The following RASSF6 variants were observed in gnomAD, a reference collection of about 807,000 sequenced individuals.
RASSF6 encodes Ras association domain family member 6.
A neutral mutation model predicts 44.0 loss-of-function variants in RASSF6; 52 were observed. The observed-to-expected ratio is 1.18, with a 90% CI of 0.95 to 1.49. The LOEUF is 1.49. RASSF6 is among the 40% of genes most tolerant of loss of function. RASSF6 has a pLI of 0.00. For missense variants in RASSF6, 464 were observed against 393.3 expected (o/e 1.18, Z -1.52); for synonymous variants, 162 against 124.6 (o/e 1.30, Z -2.00).
At chr4:73,615,667 A>T (rs1431966614) in intron 1 of RASSF6, among the ~76,000 whole-genome samples, 1 of 152,236 alleles carries the variant, frequency 6.6e-6, no homozygotes, top group East Asian at 1.9e-4. Context: ...AGAAACAATG[A>T]AGCTGGAGAA....
chr4:73,593,660 A>G, intron 3 of RASSF6, 67 bp from the exon 4 acceptor site: 1 of 1,505,180 alleles, frequency 6.6e-7, no homozygotes, highest in Non-Finnish European at 9.1e-7. Context: ...TGTTTTAACG[A>G]AGATGTAGAA....
chr4:73,579,060 A>G (rs1723438178), intron 8 of RASSF6, among the ~76,000 whole-genome samples: 1 of 152,178 alleles, frequency 6.6e-6, no homozygotes, highest in Non-Finnish European at 1.5e-5. Flanking sequence ...AACTGTTTAA[A>G]AAATGGGATC....
In RASSF6 at chr4:73,582,142, G is replaced by T. The variant is rs560487128; in HGVS notation, c.669+47C>A. On this transcript the variant is annotated intron_variant, in intron 7 of 10. Coordinates refer to ENST00000307439, the MANE Select transcript of RASSF6 (RefSeq NM_177532.5). ...AGAGTGGATTTGTGTGTTTATAGTT[G>T]AATTATATATAATATATTTATAGCT... The T allele has an allele frequency of 2.2e-5, 20 of 889,680 alleles. No individual in the cohort carries two copies. In the South Asian group the frequency reaches 3.3e-4, roughly 15 times the overall value. 55.1% of individuals were successfully genotyped at this position (889,680 alleles called of 1,614,324 possible). A position where few individuals can be genotyped will look rare whatever the true frequency, so the allele number is the denominator to read the frequency against.
chr4:73,581,988 T>A (rs1723688367), intron 7 of RASSF6, 120 bp from the exon 8 acceptor site: 2 of 738,568 alleles, frequency 2.7e-6, no homozygotes, highest in East Asian at 5.4e-5. Context: ...AGACATAAAA[T>A]CTTCTCTGCT....
chr4:73,585,156 T>G (rs1173575507), intron 6 of RASSF6, 24 bp downstream of exon 6: 1 of 1,515,864 alleles, frequency 6.6e-7, no homozygotes, highest in South Asian at 1.3e-5. Context: ...TTATATTACA[T>G]TAATGGAATT....
rs745398764 is a variant in RASSF6, at chr4:73,587,934, T to C, written c.288A>G (p.Gly96=). 6.3e-7 allele frequency: 1 copy of C among 1,597,108 alleles called. No individual in the cohort carries two copies. The highest frequency in any genetic ancestry group is 2.2e-5 in the East Asian group (1 of 44,668). ...CGTCAAATTCCCCCCAGCGTGTCATTCTGAGAAGTAATAAATCTTGTAAGT... is the reference window on the plus strand; with the variant it reads ...CGTCAAATTCCCCCCAGCGTGTCATCCTGAGAAGTAATAAATCTTGTAAGT... ...MKSSDVFSSK[G]MTRWGEFDDL... is the part of the protein sequence containing the mutation. Residue 96 remains glycine, a splice_region_variant and synonymous_variant, in exon 5 of 11, where the codon GGA becomes GGG. Coordinates refer to ENST00000307439, the MANE Select transcript of RASSF6 (RefSeq NM_177532.5).
chr4:73,586,781 G>A (rs1201811613), intron 5 of RASSF6, among the ~76,000 whole-genome samples: 3 of 151,626 alleles, frequency 2.0e-5, no homozygotes, highest in Non-Finnish European at 4.4e-5. Context: ...TAATTGGAAG[G>A]GCCGATATTT....
At chr4:73,601,990 C>T (rs192676792) in intron 2 of RASSF6, among the ~76,000 whole-genome samples, 17 of 152,182 alleles carry the variant, frequency 1.1e-4, no homozygotes, top group African/African-American at 2.2e-4. Context: ...ATGTTGCCTA[C>T]GGTGAACCTT....
At chr4:73,593,183 T>G (rs937218698) in intron 4 of RASSF6, among the ~76,000 whole-genome samples, 1 of 152,046 alleles carries the variant, frequency 6.6e-6, no homozygotes, top group African/African-American at 2.4e-5. Flanking sequence ...GCCCAGCTAA[T>G]TTTTGTATTT....
At chr4:73,600,613 C>T (rs968049065) in intron 2 of RASSF6, among the ~76,000 whole-genome samples, 1 of 152,150 alleles carries the variant, frequency 6.6e-6, no homozygotes, top group Non-Finnish European at 1.5e-5. Context: ...TTTATATATA[C>T]TGACTGTTAC....
intron 6 of RASSF6, among the ~76,000 whole-genome samples, chr4:73,584,790 A>C (rs981262290): frequency 2.0e-5 from 3 of 152,028 alleles, no homozygotes; most frequent in African/African-American, 7.2e-5. Context: ...AATACTTGGC[A>C]CAGTGATAGA....
intron 5 of RASSF6, among the ~76,000 whole-genome samples, chr4:73,586,942 G>C (rs1724141516): frequency 1.3e-5 from 2 of 150,744 alleles, no homozygotes; most frequent in South Asian, 4.2e-4. Flanking sequence ...AACATTGCAA[G>C]TTGCTGGTAG....
chr4:73,614,217 A>C (rs1441569765), intron 1 of RASSF6, among the ~76,000 whole-genome samples: 5 of 152,208 alleles, frequency 3.3e-5, no homozygotes, highest in Non-Finnish European at 7.3e-5. Flanking sequence ...TACTACCCTA[A>C]GCCAAGCCAC....
intron 5 of RASSF6, among the ~76,000 whole-genome samples, chr4:73,586,976 G>T (rs1724145003): frequency 6.6e-6 from 1 of 151,684 alleles, no homozygotes; most frequent in Non-Finnish European, 1.5e-5. Flanking sequence ...ATGCTAGTGG[G>T]ATACCTTTGT....
At chr4:73,585,157 T>C in intron 6 of RASSF6, 23 bp downstream of exon 6, 1 of 1,526,352 alleles carries the variant, frequency 6.6e-7, no homozygotes, top group Non-Finnish European at 8.9e-7. Flanking sequence ...TATATTACAT[T>C]AATGGAATTG....
intron 6 of RASSF6, among the ~76,000 whole-genome samples, chr4:73,582,848 A>C (rs1185125879): frequency 3.3e-5 from 5 of 151,946 alleles, no homozygotes; most frequent in African/African-American, 7.3e-5. Flanking sequence ...TAACACGCAC[A>C]CACACACACA....
At chr4:73,580,197 T>C (rs995864970) in intron 8 of RASSF6, among the ~76,000 whole-genome samples, 5 of 152,002 alleles carry the variant, frequency 3.3e-5, no homozygotes, top group African/African-American at 1.2e-4. Flanking sequence ...ACAAAGGACA[T>C]GAACTCATCA....
At chr4:73,583,203 C>T (rs1487438538) in intron 6 of RASSF6, among the ~76,000 whole-genome samples, 1 of 152,098 alleles carries the variant, frequency 6.6e-6, no homozygotes, top group East Asian at 1.9e-4. Context: ...ACTCATTTAA[C>T]ATCTTTATTG....
Position 73,616,984 on chromosome 4 carries a change from A to G in RASSF6, c.-35+3304T>C, listed in dbSNP as rs185407749. Among the ~76,000 whole-genome samples, 386 of 152,346 alleles carry G rather than the reference A, an allele frequency of 2.5e-3. 2 individuals carry two copies. Among genetic ancestry groups the G allele is most frequent in the African/African-American group, 8.9e-3 (371 of 41,586 alleles). ...GTATCTAGTTCTCTCAAAAAAGGAA[A>G]AGAGTTAACAGAGTGATGGTTTCTG... On this transcript the variant is annotated intron_variant, in intron 1 of 10. Transcript: ENST00000307439.
Sources: allele counts gnomAD v4.1 joint callset (sites outside exome capture counted in the v4.1 genomes callset), GRCh38; gene constraint gnomAD v4.1.1; transcripts MANE v1.5; gene names NCBI Gene and HGNC (gene_info 2026-07-23, HGNC 2026-07-21).